ZNF354C: variants seen among roughly 807,000 people sequenced by gnomAD.
The protein encoded by ZNF354C is zinc finger protein 354C.
Under a neutral mutation model 12.4 loss-of-function variants are expected in ZNF354C, and 7 were observed. The observed-to-expected ratio is 0.56, with a 90% CI of 0.32 to 1.06. The LOEUF (loss-of-function observed/expected upper bound fraction) is 1.06, where lower values mean the gene tolerates loss of function less well. Among genes scored for constraint, ZNF354C ranks in the 50% least tolerant of loss-of-function variants. The probability of loss-of-function intolerance (pLI) is 0.04; values close to 1 mark genes in which losing one functional copy is unlikely to be tolerated. For missense variants in ZNF354C, 609 were observed against 658.0 expected (o/e 0.93, Z 0.81); for synonymous variants, 202 against 224.5 (o/e 0.90, Z 0.90).
chr5:179,082,864 A>T lies in ZNF354C; in HGVS notation c.*2767A>T. The T allele has an allele frequency of 8.6e-7, 1 of 1,160,290 alleles. No homozygotes were observed. The highest frequency in any genetic ancestry group is 1.3e-6 in the Non-Finnish European group (1 of 768,102). 71.9% of individuals were successfully genotyped at this position (1,160,290 alleles called of 1,614,324 possible). A position where few individuals can be genotyped will look rare whatever the true frequency, so the allele number is the denominator to read the frequency against. ...GCCTTGGGGCCCTCACAGACTCGCCAAACATTCCAGGCACTGCACTTGCCA... is the reference window on the plus strand; with the variant it reads ...GCCTTGGGGCCCTCACAGACTCGCCTAACATTCCAGGCACTGCACTTGCCA... On this transcript the variant is annotated 3_prime_UTR_variant, in exon 5 of 5. Transcript: ENST00000315475.
At chr5:179,076,114 T>C (rs969569291) in intron 2 of ZNF354C, among the ~76,000 whole-genome samples, 10 of 152,178 alleles carry the variant, frequency 6.6e-5, no homozygotes, top group Non-Finnish European at 1.2e-4. Context: ...TCATCCATCT[T>C]CCGAGCCTAG....
rs193176245 is a variant in ZNF354C, at chr5:179,081,700, C to T, written c.*1603C>T. 6.6e-6 allele frequency: 1 copy of T among 152,242 alleles called. No homozygotes were observed. Among genetic ancestry groups the T allele is most frequent in the Admixed American group, 6.5e-5 (1 of 15,292 alleles). 9.4% of individuals were successfully genotyped at this position (152,242 alleles called of 1,614,324 possible). On this transcript the variant is annotated 3_prime_UTR_variant, in exon 5 of 5. Transcript: ENST00000315475. Reference sequence around the variant, plus strand: ...CCAGTAGTGGTGAGCATGCTTAGTACCCAAATTTTGGTTTCTAAATGCCAT... The same window carrying T: ...CCAGTAGTGGTGAGCATGCTTAGTATCCAAATTTTGGTTTCTAAATGCCAT...
Position 179,060,826 on chromosome 5 carries a change from G to T in ZNF354C, c.-55+160G>T, listed in dbSNP as rs532105560. Among the ~76,000 whole-genome samples the T allele has an allele frequency of 2.6e-5, 4 of 152,294 alleles. No homozygotes were observed. Among genetic ancestry groups the T allele is most frequent in the Admixed American group, 2.6e-4 (4 of 15,294 alleles). ...CTCGGGTGCCAGGCACCAGACTAGC[G>T]CATCGCCCGAACGAACTCCGCGCAT... is the stretch of plus-strand genomic sequence containing the variant. On this transcript the variant is annotated intron_variant, in intron 1 of 4. Coordinates refer to ENST00000315475, the MANE Select transcript of ZNF354C (RefSeq NM_014594.3). This position sits in a 1 kb window ranked among gnomAD's most constrained non-coding sequence, Gnocchi z 4.2.
intron 2 of ZNF354C, among the ~76,000 whole-genome samples, chr5:179,071,280 G>T (rs950375958): frequency 6.6e-6 from 1 of 151,894 alleles, no homozygotes; most frequent in African/African-American, 2.4e-5. Flanking sequence ...AACTGGATGA[G>T]ATGATTGATA....
At chr5:179,070,963 C>T (rs1762038711) in intron 2 of ZNF354C, among the ~76,000 whole-genome samples, 1 of 150,714 alleles carries the variant, frequency 6.6e-6, no homozygotes, top group African/African-American at 2.4e-5. Context: ...ATTCTCCTGC[C>T]TCAGCCTCCT....
At chr5:179,076,691 T>TAGAGTGGA in intron 3 of ZNF354C, 120 bp downstream of exon 3, 1 of 1,306,926 alleles carries the variant, frequency 7.7e-7, no homozygotes, top group Non-Finnish European at 1.1e-6. Context: ...TGAATTGCTG[T>TAGAGTGGA]AGAGTGGAAA....
At position 179,077,072 on chromosome 5, in the gene ZNF354C, G is replaced by T; in HGVS notation, c.156G>T (p.Gly52=). The change falls in exon 4 of 5, where the codon GGG becomes GGT. Residue 52 remains glycine, a splice_region_variant and synonymous_variant. Transcript: ENST00000315475. The part of the protein sequence containing the change: ...LENYSSLVSL[G]IPFSMPKLIH... ...CTTCATTTGCTTCCTCATGAGCAGG[G>T]ATTCCATTTTCAATGCCAAAGTTGA... The T allele has an allele frequency of 6.2e-7, 1 of 1,614,038 alleles. No individual in the cohort carries two copies. The highest frequency in any genetic ancestry group is 8.5e-7 in the Non-Finnish European group (1 of 1,179,930).
chr5:179,069,957 C>T (rs530044428), intron 2 of ZNF354C, among the ~76,000 whole-genome samples: 1 of 152,326 alleles, frequency 6.6e-6, no homozygotes, highest in South Asian at 2.1e-4. Context: ...TGACCTACTT[C>T]AGACTTTCAG....
Position 179,079,006 on chromosome 5 carries a change from A to G in ZNF354C, c.574A>G (p.Thr192Ala). ...AGAAAGGATACCCAATATGTATTAT[A>G]CATTTGGGAAAGATTTTAAACAGAA... The part of the protein sequence containing the change: ...PIERIPNMYY[T>A]FGKDFKQNFD... The change falls in exon 5 of 5, where the codon ACA becomes GCA. Residue 192 changes from threonine (T) to alanine (A), a missense_variant. Thr to Ala is a moderately conservative substitution (Grantham distance 58). Transcript: ENST00000315475. The surrounding 1 kb of genome is among the most constrained non-coding windows in gnomAD (Gnocchi z 4.2). 6.2e-7 allele frequency: 1 copy of G among 1,613,058 alleles called. No homozygotes were observed. The highest frequency in any genetic ancestry group is 8.5e-7 in the Non-Finnish European group (1 of 1,179,798).
rs1762249128 is a variant in ZNF354C, at chr5:179,082,944, A to C, written c.*2847A>C. ...CACCTCATCTCCTGCCTGGAGCTCA[A>C]GGCCATCCTCAACTTCTTTCATATG... is the stretch of plus-strand genomic sequence containing the variant. On this transcript the variant is annotated 3_prime_UTR_variant, in exon 5 of 5. Coordinates refer to ENST00000315475, the MANE Select transcript of ZNF354C (RefSeq NM_014594.3). 2.3e-6 allele frequency: 2 copies of C among 876,738 alleles called. No homozygotes were observed. Among genetic ancestry groups the C allele is most frequent in the South Asian group, 1.4e-5 (1 of 71,922 alleles). 54.3% of individuals were successfully genotyped at this position (876,738 alleles called of 1,614,324 possible).
Position 179,079,093 on chromosome 5 carries a change from T to C in ZNF354C, c.661T>C (p.Cys221Arg). 6.2e-7 allele frequency: 1 copy of C among 1,613,956 alleles called. No homozygotes were observed. Among genetic ancestry groups the C allele is most frequent in the Non-Finnish European group, 8.5e-7 (1 of 1,180,028 alleles). ...PGGKPHICNE[C>R]GKSFKQNLHL... Reference sequence around the variant, plus strand: ...AGGAAAACCTCACATCTGTAATGAATGTGGGAAGAGCTTCAAGCAGAATCT... The same window carrying C: ...AGGAAAACCTCACATCTGTAATGAACGTGGGAAGAGCTTCAAGCAGAATCT... The change falls in exon 5 of 5, where the codon TGT becomes CGT. Residue 221 changes from cysteine (C) to arginine (R), a missense_variant. Transcript: ENST00000315475. This position sits in a 1 kb window ranked among gnomAD's most constrained non-coding sequence, Gnocchi z 4.2.
At chr5:179,069,323 A>G (rs1243975468) in intron 2 of ZNF354C, among the ~76,000 whole-genome samples, 1 of 152,178 alleles carries the variant, frequency 6.6e-6, no homozygotes, top group Non-Finnish European at 1.5e-5. Context: ...GGTCTCCACA[A>G]CCCGTTATCA....
chr5:179,079,911 G>A lies in ZNF354C; in HGVS notation c.1479G>A (p.Glu493=), dbSNP rs1762200246. 3 of 1,613,830 alleles carry A rather than the reference G, an allele frequency of 1.9e-6. No homozygotes were observed. Among genetic ancestry groups the A allele is most frequent in the Non-Finnish European group, 2.5e-6 (3 of 1,179,948 alleles). ...LTEHERIHTG[E]KLYKCMECGK... ...AACATGAGAGGATCCACACTGGAGA[G>A]AAACTGTATAAATGTATGGAATGTG... is the stretch of plus-strand genomic sequence containing the variant. Residue 493 remains glutamate (E), a synonymous_variant, in exon 5 of 5, where the codon GAG becomes GAA. Coordinates refer to ENST00000315475, the MANE Select transcript of ZNF354C (RefSeq NM_014594.3). The surrounding 1 kb of genome is among the most constrained non-coding windows in gnomAD (Gnocchi z 4.2).
At chr5:179,076,320 C>T (rs1207112973) in intron 2 of ZNF354C, 125 bp from the exon 3 acceptor site, 27 of 1,429,186 alleles carry the variant, frequency 1.9e-5, no homozygotes, top group South Asian at 1.5e-4. Context: ...CCAAAAATTA[C>T]GTAAACAGTT....
chr5:179,078,461 T>G (rs1164707043), intron 4 of ZNF354C, among the ~76,000 whole-genome samples: 1 of 152,256 alleles, frequency 6.6e-6, no homozygotes, highest in Non-Finnish European at 1.5e-5. Context: ...TCGCTTCATT[T>G]TCATTGTTAA....
rs1702155738 is a variant in ZNF354C, at chr5:179,083,041, G to A, written c.*2944G>A. 1 of 781,424 alleles carries A rather than the reference G, an allele frequency of 1.3e-6. No homozygotes were observed. Among genetic ancestry groups the A allele is most frequent in the Non-Finnish European group, 2.2e-6 (1 of 462,804 alleles). 48.4% of individuals were successfully genotyped at this position (781,424 alleles called of 1,614,324 possible). On this transcript the variant is annotated 3_prime_UTR_variant, in exon 5 of 5. Transcript: ENST00000315475. ...AACTGATCTTGCACACATTCCACTG[G>A]CCCTACGCAGGGGTGTGATGTTGTA... is the stretch of plus-strand genomic sequence containing the variant.
intron 2 of ZNF354C, among the ~76,000 whole-genome samples, chr5:179,071,832 A>T (rs922329516): frequency 1.3e-4 from 20 of 152,196 alleles, no homozygotes; most frequent in African/African-American, 4.8e-4. Context: ...CCCCTGAACC[A>T]TACATGCACA....
intron 2 of ZNF354C, among the ~76,000 whole-genome samples, chr5:179,075,820 G>T (rs1340714138): frequency 6.6e-6 from 1 of 152,174 alleles, no homozygotes. Flanking sequence ...ACTGAAATTT[G>T]CTTATCCATT....
In ZNF354C at chr5:179,061,734, C is replaced by T. The variant is rs182220470; in HGVS notation, c.-54-281C>T. On this transcript the variant is annotated intron_variant, in intron 1 of 4. Coordinates refer to ENST00000315475, the MANE Select transcript of ZNF354C (RefSeq NM_014594.3). ...ATATTCATTGCGACTTTTAGGTGTG[C>T]AGTTCAAAGCTAGCGAAGGACTCCA... Among the ~76,000 whole-genome samples, 328 of 152,102 alleles carry T rather than the reference C, an allele frequency of 2.2e-3. 2 individuals are homozygous for T. Among genetic ancestry groups the T allele is most frequent in the Non-Finnish European group, 3.9e-3 (262 of 67,978 alleles).
Sources: allele counts gnomAD v4.1 joint callset (sites outside exome capture counted in the v4.1 genomes callset), GRCh38; gene constraint gnomAD v4.1.1; non-coding constraint Gnocchi (gnomAD v3.1); transcripts MANE v1.5; gene names NCBI Gene and HGNC (gene_info 2026-07-23, HGNC 2026-07-21).